Variants in CRYBB3 observed in about 807,000 individuals in gnomAD.
CRYBB3 encodes the protein beta-crystallin B3.
Under a neutral mutation model 28.3 loss-of-function variants are expected in CRYBB3, and 35 were observed. That is an observed-to-expected ratio of 1.24 (90% confidence interval 0.95 to 1.64). CRYBB3 has a LOEUF of 1.64. Ranked by LOEUF, CRYBB3 falls within the 40% of genes most tolerant of loss-of-function variation. The pLI, the probability that CRYBB3 is intolerant of heterozygous loss-of-function variation, is 0.00. For synonymous variants in CRYBB3, 106 were observed against 110.4 expected, an observed-to-expected ratio of 0.96 and a Z score of 0.25; for missense variants, 296 against 297.4, an observed-to-expected ratio of 1.00 and a Z score of 0.04.
At chr22:25,200,120 T>A (rs541955825) in intron 1 of CRYBB3, among the ~76,000 whole-genome samples, 1 of 152,208 alleles carries the variant, frequency 6.6e-6, no homozygotes, top group East Asian at 1.9e-4. Context: ...TCCAAGCCCC[T>A]GGACATGTGC....
chr22:25,203,987 G>A (rs1934991032), intron 4 of CRYBB3, 92 bp downstream of exon 4: 1 of 1,538,990 alleles, frequency 6.5e-7, no homozygotes, highest in African/African-American at 1.4e-5. Context: ...CTGGGCTGAG[G>A]GTTTGGCCCA....
intron 2 of CRYBB3, 94 bp from the exon 3 acceptor site, chr22:25,202,580 G>T: frequency 6.3e-7 from 1 of 1,599,856 alleles, no homozygotes; most frequent in East Asian, 2.3e-5. Flanking sequence ...GATGCAGAAA[G>T]CAGAGGGTAC....
Position 25,207,305 on chromosome 22 carries a change from C to A in CRYBB3, c.*93C>A. The A allele has an allele frequency of 9.0e-7, 1 of 1,114,646 alleles. No individual in the cohort carries two copies. 69.0% of individuals were successfully genotyped at this position (1,114,646 alleles called of 1,614,324 possible). The stretch of plus-strand genomic sequence containing the variant: ...AGGGTTGGGGCGAGGGCCGACCTGT[C>A]CACCCTTCCCTGGAATCTGCTCAAT... On this transcript the variant is annotated 3_prime_UTR_variant, in exon 6 of 6. Coordinates refer to ENST00000215855, the MANE Select transcript of CRYBB3 (RefSeq NM_004076.5).
intron 2 of CRYBB3, among the ~76,000 whole-genome samples, chr22:25,202,258 T>A (rs754462573): frequency 1.3e-5 from 2 of 152,186 alleles, no homozygotes; most frequent in African/African-American, 2.4e-5. Flanking sequence ...GGCAGAGGTC[T>A]TCCCCGAGAC....
intron 3 of CRYBB3, 132 bp downstream of exon 3, chr22:25,202,924 A>T: frequency 6.6e-7 from 1 of 1,506,000 alleles, no homozygotes; most frequent in East Asian, 2.5e-5. Flanking sequence ...CGTTTTCCGC[A>T]TCTGTAAAAT....
At position 25,207,249 on chromosome 22, in the gene CRYBB3, G is replaced by C; in HGVS notation, c.*37G>C. On this transcript the variant is annotated 3_prime_UTR_variant, in exon 6 of 6. Transcript: ENST00000215855. ...ACTTCAAGGACCCAGACCCACCCTGGGGGGCTGCAAGGGCAAGAAGAGGAG... is the reference window on the plus strand; with the variant it reads ...ACTTCAAGGACCCAGACCCACCCTGCGGGGCTGCAAGGGCAAGAAGAGGAG... The C allele has an allele frequency of 6.3e-7, 1 of 1,593,550 alleles. No individual in the cohort carries two copies. Among genetic ancestry groups the C allele is most frequent in the Non-Finnish European group, 8.6e-7 (1 of 1,168,370 alleles).
rs1310045612 is a variant in CRYBB3, at chr22:25,201,515, G to C, written c.75+44G>C. Reference sequence around the variant, plus strand: ...GTCAGAGGGCCCAGGCTACTCCTGGGCCTCAGGGTCATCTTCCCAGCCAAG... The same window carrying C: ...GTCAGAGGGCCCAGGCTACTCCTGGCCCTCAGGGTCATCTTCCCAGCCAAG... On this transcript the variant is annotated intron_variant, in intron 2 of 5. Transcript: ENST00000215855. The C allele has an allele frequency of 2.5e-6, 4 of 1,604,346 alleles. No individual in the cohort carries two copies. In the East Asian group the frequency reaches 9.0e-5, roughly 36 times the overall value.
chr22:25,200,540 C>T (rs575385739), intron 1 of CRYBB3, among the ~76,000 whole-genome samples: 1 of 152,222 alleles, frequency 6.6e-6, no homozygotes, highest in Non-Finnish European at 1.5e-5. Context: ...CGAGTGTGTG[C>T]ACCTATGTGT....
chr22:25,203,343 T>C (rs992300619), intron 3 of CRYBB3, among the ~76,000 whole-genome samples: 2 of 152,144 alleles, frequency 1.3e-5, no homozygotes, highest in Admixed American at 6.6e-5. Flanking sequence ...ATCTGTTGAA[T>C]GGGGATAACA....
At position 25,205,232 on chromosome 22, in the gene CRYBB3, C is replaced by G. The variant is rs1475032054; in HGVS notation, c.340C>G (p.His114Asp). 2 of 1,613,874 alleles carry G rather than the reference C, an allele frequency of 1.2e-6. No individual in the cohort carries two copies. The highest frequency in any genetic ancestry group is 1.7e-6 in the Non-Finnish European group (2 of 1,179,974). Residue 114 changes from histidine (H) to aspartate (D), a missense_variant, in exon 5 of 6, where the codon CAC (histidine) becomes GAC (aspartate). His to Asp is a moderately conservative substitution (Grantham distance 81). Transcript: ENST00000215855. ...LRPLNIDSPH[H>D]KLHLFENPAF... ...ATATTGCCCTCAGGATAGTCCACAT[C>G]ACAAGCTGCATCTGTTTGAGAACCC...
At chr22:25,204,783 A>C (rs1935002294) in intron 4 of CRYBB3, among the ~76,000 whole-genome samples, 1 of 152,164 alleles carries the variant, frequency 6.6e-6, no homozygotes, top group Non-Finnish European at 1.5e-5. Context: ...CAGCTGCTCC[A>C]GCCCTTTCTC....
chr22:25,203,838 T>A lies in CRYBB3; in HGVS notation c.270T>A (p.Asp90Glu). ...VLEKGDYPRW[D>E]AWSNSRDSDS... ...AGAAGGGGGATTATCCTCGCTGGGATGCCTGGTCCAACAGCCGTGATAGTG... is the reference window on the plus strand; with the variant it reads ...AGAAGGGGGATTATCCTCGCTGGGAAGCCTGGTCCAACAGCCGTGATAGTG... The change falls in exon 4 of 6, where the codon GAT becomes GAA. Residue 90 changes from aspartate (D) to glutamate (E), a missense_variant. By Grantham distance (45) the Asp-to-Glu change is conservative. Transcript: ENST00000215855. 6.2e-7 allele frequency: 1 copy of A among 1,614,244 alleles called. No homozygotes were observed. Among genetic ancestry groups the A allele is most frequent in the Non-Finnish European group, 8.5e-7 (1 of 1,180,026 alleles).
At position 25,202,643 on chromosome 22, in the gene CRYBB3, A is replaced by G. The variant is rs576570189; in HGVS notation, c.76-31A>G. The G allele has an allele frequency of 9.1e-5, 146 of 1,612,912 alleles. No individual in the cohort carries two copies. The South Asian group carries it at 1.2e-3, about 13-fold the overall frequency. On this transcript the variant is annotated intron_variant, in intron 2 of 5. Coordinates refer to ENST00000215855, the MANE Select transcript of CRYBB3 (RefSeq NM_004076.5). ...GAGGCTGGAGCTGGGAGCCTAGCAG[A>G]GGTGGGATGTTTAGGACTCTGCTCT...
intron 5 of CRYBB3, among the ~76,000 whole-genome samples, chr22:25,206,050 T>A (rs1047947436): frequency 6.6e-6 from 1 of 152,178 alleles, no homozygotes; most frequent in Non-Finnish European, 1.5e-5. Context: ...TTTCTAGGCT[T>A]AATATCACCG....
chr22:25,203,015 A>G (rs1934974876), intron 3 of CRYBB3, among the ~76,000 whole-genome samples: 1 of 152,256 alleles, frequency 6.6e-6, no homozygotes, highest in Non-Finnish European at 1.5e-5. Flanking sequence ...AGCAAGGTCA[A>G]CCTAGCACCT....
intron 5 of CRYBB3, 49 bp downstream of exon 5, chr22:25,205,411 C>G (rs1397506889): frequency 6.2e-7 from 1 of 1,609,402 alleles, no homozygotes; most frequent in East Asian, 2.2e-5. Flanking sequence ...TCAGCCATGC[C>G]TCTGGCTCCA....
chr22:25,201,523 G>T (rs758170568), intron 2 of CRYBB3, 52 bp downstream of exon 2: 1 of 1,600,832 alleles, frequency 6.2e-7, no homozygotes, highest in South Asian at 1.1e-5. Flanking sequence ...GGGCCTCAGG[G>T]TCATCTTCCC....
chr22:25,206,497 C>G lies in CRYBB3; in HGVS notation c.471-550C>G, dbSNP rs900097615. Among the ~76,000 whole-genome samples, 15 of 152,300 alleles carry G rather than the reference C, an allele frequency of 9.8e-5. No individual in the cohort carries two copies. In the East Asian group the frequency reaches 1.4e-3, roughly 14 times the overall value. ...GGTGGAGGTTGTAGTGAGCCGAGAT[C>G]ACGCCACTGCACTCCAGCCTGAGCA... On this transcript the variant is annotated intron_variant, in intron 5 of 5. Coordinates refer to ENST00000215855, the MANE Select transcript of CRYBB3 (RefSeq NM_004076.5).
In CRYBB3 at chr22:25,207,104, C is replaced by T. The variant is rs769807038; in HGVS notation, c.528C>T (p.Gly176=). The T allele has an allele frequency of 1.8e-5, 29 of 1,612,852 alleles. No homozygotes were observed. The highest frequency in any genetic ancestry group is 2.7e-5 in the African/African-American group (2 of 74,908). The part of the protein sequence containing the change: ...YRGRQYVFER[G]EYRHWNEWDA... ...GGCGCCAGTACGTGTTTGAGCGGGG[C>T]GAGTACCGCCACTGGAATGAGTGGG... Residue 176 remains glycine, a synonymous_variant, in exon 6 of 6, where the codon GGC becomes GGT. Coordinates refer to ENST00000215855, the MANE Select transcript of CRYBB3 (RefSeq NM_004076.5).
Sources: gnomAD v4.1 joint callset for allele counts (sites outside exome capture counted in the v4.1 genomes callset) on GRCh38, gnomAD v4.1.1 for gene constraint, MANE v1.5 for transcripts, NCBI Gene and HGNC (gene_info 2026-07-23, HGNC 2026-07-21) for gene names.